PIP4K2A: variants seen among roughly 807,000 people sequenced by gnomAD.
The protein encoded by PIP4K2A is phosphatidylinositol 5-phosphate 4-kinase type-2 alpha.
PIP4K2A carries 14 observed loss-of-function variants against 42.9 expected under a neutral mutation model. The ratio of observed to expected loss-of-function variants is 0.33; its 90% CI spans 0.22 to 0.51. The LOEUF is 0.51. Ranked by LOEUF, PIP4K2A falls within the 20% of genes least tolerant of loss-of-function variation. The pLI, the probability that PIP4K2A is intolerant of heterozygous loss-of-function variation, is 0.97. For missense variants in PIP4K2A, 434 were observed against 519.8 expected (o/e 0.83, Z 1.61); for synonymous variants, 192 against 192.2 (o/e 1.00, Z 0.01).
At chr10:22,650,544 A>G (rs1838973394) in intron 1 of PIP4K2A, among the ~76,000 whole-genome samples, 1 of 152,200 alleles carries the variant, frequency 6.6e-6, no homozygotes. Flanking sequence ...CTCTATACAC[A>G]AGAGAACCTA....
chr10:22,609,933 C>T (rs1348187269), intron 1 of PIP4K2A, among the ~76,000 whole-genome samples: 1 of 152,088 alleles, frequency 6.6e-6, no homozygotes, highest in Non-Finnish European at 1.5e-5. Context: ...ATGGTGGCCA[C>T]CGGACGGCAG....
At chr10:22,665,485 G>A (rs1387491711) in intron 1 of PIP4K2A, among the ~76,000 whole-genome samples, 1 of 151,850 alleles carries the variant, frequency 6.6e-6, no homozygotes, top group Non-Finnish European at 1.5e-5. Context: ...TCTGTCACCC[G>A]TGCTGGAGTA....
At chr10:22,653,258 G>T (rs748684442) in intron 1 of PIP4K2A, among the ~76,000 whole-genome samples, 3 of 152,138 alleles carry the variant, frequency 2.0e-5, no homozygotes, top group Non-Finnish European at 2.9e-5. Flanking sequence ...TGCCTCAGGT[G>T]GGGGGCAGTA....
intron 1 of PIP4K2A, among the ~76,000 whole-genome samples, chr10:22,662,028 T>C (rs183616594): frequency 6.6e-6 from 1 of 152,346 alleles, no homozygotes; most frequent in East Asian, 1.9e-4. Context: ...GATCATTTAT[T>C]ATAAATCCAT....
At chr10:22,653,456 GCAA>G (rs976745331) in intron 1 of PIP4K2A, among the ~76,000 whole-genome samples, 1 of 152,182 alleles carries the variant, frequency 6.6e-6, no homozygotes, top group Non-Finnish European at 1.5e-5. Context: ...TGAACTGTCA[GCAA>G]CAACAGGCTC....
chr10:22,541,083 A>T (rs73598557), intron 8 of PIP4K2A, among the ~76,000 whole-genome samples: 4,033 of 152,332 alleles, frequency 0.026, 96 homozygotes, highest in African/African-American at 0.064. Context: ...ATATTTTGGT[A>T]TTGTCACGGA....
rs550198732 is a variant in PIP4K2A at position 22,600,422 on chromosome 10, G to A, written c.339+7505C>T. On this transcript the variant is annotated intron_variant, in intron 3 of 9. Coordinates refer to ENST00000376573, the MANE Select transcript of PIP4K2A (RefSeq NM_005028.5). The stretch of plus-strand genomic sequence containing the variant: ...GATTTAGAGACCTGACAGCTGGGGG[G>A]CCGGAGAGAGCACTGTGTCCCTCTC... Among the ~76,000 whole-genome samples the A allele has an allele frequency of 2.6e-5, 4 of 152,236 alleles. No individual in the cohort carries two copies. The South Asian group carries it at 8.3e-4, about 32-fold the overall frequency.
At chr10:22,598,883 T>C (rs1837689428) in intron 3 of PIP4K2A, among the ~76,000 whole-genome samples, 1 of 152,230 alleles carries the variant, frequency 6.6e-6, no homozygotes, top group Non-Finnish European at 1.5e-5. Context: ...ATGCACAAAC[T>C]GCAAAAATAC....
At chr10:22,663,307 T>C (rs1839243409) in intron 1 of PIP4K2A, among the ~76,000 whole-genome samples, 2 of 152,242 alleles carry the variant, frequency 1.3e-5, no homozygotes, top group African/African-American at 4.8e-5. Context: ...AAATAATGTA[T>C]GCCAAGAACT....
chr10:22,593,737 G>C (rs1325508057), intron 3 of PIP4K2A, among the ~76,000 whole-genome samples: 1 of 152,210 alleles, frequency 6.6e-6, no homozygotes. Context: ...TAAGATTGCA[G>C]ATTATCTTTG....
intron 4 of PIP4K2A, among the ~76,000 whole-genome samples, chr10:22,588,267 T>C (rs1837442402): frequency 6.6e-6 from 1 of 152,228 alleles, no homozygotes; most frequent in Admixed American, 6.5e-5. Flanking sequence ...ATACTGATAA[T>C]TAGCAGCCTA....
At chr10:22,568,711 A>T (rs1836908066) in intron 5 of PIP4K2A, among the ~76,000 whole-genome samples, 1 of 152,184 alleles carries the variant, frequency 6.6e-6, no homozygotes, top group Non-Finnish European at 1.5e-5. Context: ...GTCCAAGCAG[A>T]GAAACTTCCC....
At chr10:22,651,760 G>A (rs977296179) in intron 1 of PIP4K2A, among the ~76,000 whole-genome samples, 14 of 152,226 alleles carry the variant, frequency 9.2e-5, no homozygotes, top group African/African-American at 2.9e-4. Flanking sequence ...CTGGTGCCCG[G>A]GAGGCAGCTC....
chr10:22,612,680 T>C (rs1021076934), intron 1 of PIP4K2A, among the ~76,000 whole-genome samples: 3 of 152,028 alleles, frequency 2.0e-5, no homozygotes, highest in Non-Finnish European at 4.4e-5. Flanking sequence ...GATGACAGAC[T>C]AGAAATGTAG....
intron 1 of PIP4K2A, among the ~76,000 whole-genome samples, chr10:22,693,283 A>ATT (rs144224297): frequency 2.0e-5 from 3 of 148,780 alleles, no homozygotes; most frequent in African/African-American, 7.4e-5. Context: ...TTACAACTTC[A>ATT]TTTTTTTTTT....
intron 4 of PIP4K2A, among the ~76,000 whole-genome samples, chr10:22,589,231 T>C (rs756195457): frequency 6.6e-6 from 1 of 152,168 alleles, no homozygotes; most frequent in Non-Finnish European, 1.5e-5. Flanking sequence ...AAAGAAAGTA[T>C]AAAGAGAATG....
At chr10:22,650,086 C>G (rs117801761) in intron 1 of PIP4K2A, among the ~76,000 whole-genome samples, 191 of 152,246 alleles carry the variant, frequency 1.3e-3, no homozygotes, top group Non-Finnish European at 2.3e-3. Flanking sequence ...ACCAATAAAA[C>G]TAAGTGTGTG....
chr10:22,667,981 T>C (rs1839382372), intron 1 of PIP4K2A, among the ~76,000 whole-genome samples: 1 of 151,366 alleles, frequency 6.6e-6, no homozygotes. Context: ...AGACAGAGTC[T>C]CACTCTATCA....
chr10:22,606,345 G>C (rs1359102020), intron 3 of PIP4K2A, among the ~76,000 whole-genome samples: 7 of 152,026 alleles, frequency 4.6e-5, no homozygotes, highest in African/African-American at 1.7e-4. Context: ...CAGGAGTGTT[G>C]GCTCCCACGC....
Sources: allele counts gnomAD v4.1 joint callset (sites outside exome capture counted in the v4.1 genomes callset), GRCh38; gene constraint gnomAD v4.1.1; transcripts MANE v1.5; gene names NCBI Gene and HGNC (gene_info 2026-07-23, HGNC 2026-07-21).